SPG11: variants seen among roughly 807,000 people sequenced by gnomAD.
SPG11 encodes the protein spatacsin.
In SPG11, 222 loss-of-function variants were observed where a neutral mutation model predicts 274.0. That is an observed-to-expected ratio of 0.81 (90% CI 0.73 to 0.91). SPG11 has a LOEUF of 0.91. SPG11 is among the 40% of genes least tolerant of loss of function. The pLI, the probability that SPG11 is intolerant of heterozygous loss-of-function variation, is 0.00. For missense variants in SPG11, 3,114 were observed against 2,872.7 expected (o/e 1.08, Z -1.92); for synonymous variants, 1,144 against 1,039.7 (o/e 1.10, Z -1.93).
intron 6 of SPG11, among the ~76,000 whole-genome samples, chr15:44,650,479 C>T (rs769460068): frequency 5.9e-5 from 9 of 152,008 alleles, no homozygotes; most frequent in African/African-American, 2.2e-4. Flanking sequence ...CAGAGCGAGA[C>T]GTCGTCTCTA....
intron 18 of SPG11, 78 bp from the exon 19 acceptor site, chr15:44,608,683 G>A (rs2083384971): frequency 7.2e-7 from 1 of 1,390,068 alleles, no homozygotes; most frequent in Non-Finnish European, 1.0e-6. Context: ...CAAGAACCTT[G>A]TGAAACAAGA....
In SPG11 at chr15:44,573,638, G is replaced by A. The variant is rs761710885; in HGVS notation, c.6114C>T (p.Phe2038=). Residue 2038 remains phenylalanine, a synonymous_variant, in exon 32 of 40, where the codon TTC becomes TTT. Transcript: ENST00000261866. ...QPDRCKRAQA[F]ISTQGLKPDT... is the part of the protein sequence containing the mutation. Reference sequence around the variant, plus strand: ...CTGGCTTAAGGCCCTGTGTGCTGATGAAGGCCTGGGCTCGTTTGCATCGGT... The same window carrying A: ...CTGGCTTAAGGCCCTGTGTGCTGATAAAGGCCTGGGCTCGTTTGCATCGGT... 8 of 1,614,206 alleles carry A rather than the reference G, an allele frequency of 5.0e-6. No individual in the cohort carries two copies. The East Asian group carries it at 1.6e-4, about 31-fold the overall frequency.
chr15:44,597,075 A>G, intron 23 of SPG11, 132 bp from the exon 24 acceptor site: 1 of 818,700 alleles, frequency 1.2e-6, no homozygotes, highest in South Asian at 1.7e-5. Flanking sequence ...AACAAATACT[A>G]AATATTTATT....
In SPG11 at chr15:44,589,308, T is replaced by C. The variant is rs78388816; in HGVS notation, c.4850A>G (p.Tyr1617Cys). The C allele has an allele frequency of 6.2e-7, 1 of 1,614,112 alleles. No homozygotes were observed. Among genetic ancestry groups the C allele is most frequent in the Non-Finnish European group, 8.5e-7 (1 of 1,179,958 alleles). ...KLMLQQCKTQ[Y>C]ELGKLLQLFV... ...GAGCTGTAAAAGCTTCCCCAGCTCATACTGGGTCTTACACTGCTGTAGCAT... is the reference window on the plus strand; with the variant it reads ...GAGCTGTAAAAGCTTCCCCAGCTCACACTGGGTCTTACACTGCTGTAGCAT... The change falls in exon 28 of 40, where the codon TAT (tyrosine) becomes TGT (cysteine). Residue 1617 changes from tyrosine to cysteine, a missense_variant. Coordinates refer to ENST00000261866, the MANE Select transcript of SPG11 (RefSeq NM_025137.4).
At chr15:44,582,734 T>C (rs1230412435) in intron 30 of SPG11, among the ~76,000 whole-genome samples, 1 of 151,816 alleles carries the variant, frequency 6.6e-6, no homozygotes, top group East Asian at 1.9e-4. Flanking sequence ...AATCAACTAA[T>C]GTAATCTACT....
At chr15:44,636,927 A>AAAAAAAACAAAC in intron 7 of SPG11, among the ~76,000 whole-genome samples, 1 of 113,586 alleles carries the variant, frequency 8.8e-6, no homozygotes, top group Non-Finnish European at 1.9e-5. Context: ...CTCCATCTCA[A>AAAAAAAACAAAC]AAAAAAAAAA....
chr15:44,578,190 AT>A (rs564990735), intron 30 of SPG11, among the ~76,000 whole-genome samples: 5,063 of 127,784 alleles, frequency 0.04, 170 homozygotes, highest in East Asian at 0.097. Flanking sequence ...ACGCGTGGCT[AT>A]TTTTTTTTTT....
intron 15 of SPG11, 81 bp downstream of exon 15, chr15:44,620,109 A>C: frequency 8.9e-7 from 1 of 1,119,154 alleles, no homozygotes; most frequent in Non-Finnish European, 1.4e-6. Flanking sequence ...ATGGCATTTC[A>C]AAGGAAAAGC....
At chr15:44,572,577 G>A in intron 33 of SPG11, 106 bp downstream of exon 33, 2 of 1,131,182 alleles carry the variant, frequency 1.8e-6, no homozygotes, top group Non-Finnish European at 1.3e-6. Flanking sequence ...GGAGGGCTAG[G>A]CATCCAGAGC....
chr15:44,626,774 G>A (rs557109899), intron 10 of SPG11, among the ~76,000 whole-genome samples: 2 of 152,266 alleles, frequency 1.3e-5, no homozygotes, highest in Admixed American at 1.3e-4. Flanking sequence ...GGAAGGTCTA[G>A]AAGAGAAACA....
chr15:44,621,907 GA>G lies in SPG11; in HGVS notation c.2471del (p.Phe824SerfsTer11), dbSNP rs764805516. 1.2e-6 allele frequency: 2 copies of G among 1,612,026 alleles called. No homozygotes were observed. The highest frequency in any genetic ancestry group is 1.7e-6 in the Non-Finnish European group (2 of 1,179,388). ...PRYWIKEQDFFKHKSVLDSFL... is the reference protein window; with the variant it reads ...PRYWIKEQDFXKHKSVLDSFL... ...ATGAGTCCAAAACAGACTTGTGCTT[GA>G]AAAAATCTTGTTCCTTTATCCAGTA... On this transcript the variant is annotated frameshift_variant, in exon 14 of 40. Transcript: ENST00000261866. LOFTEE classifies it high-confidence loss of function.
At chr15:44,659,942 T>C (rs2085056230) in intron 2 of SPG11, among the ~76,000 whole-genome samples, 1 of 152,040 alleles carries the variant, frequency 6.6e-6, no homozygotes, top group Admixed American at 6.6e-5. Context: ...GCGCCTGTAG[T>C]CTAAGCTACT....
chr15:44,592,529 A>G, intron 26 of SPG11, 91 bp from the exon 27 acceptor site: 1 of 826,580 alleles, frequency 1.2e-6, no homozygotes, highest in Non-Finnish European at 2.1e-6. Context: ...TAAAAATGCT[A>G]TTAATAAGGC....
chr15:44,649,697 G>C (rs948820440), intron 6 of SPG11, among the ~76,000 whole-genome samples: 1 of 152,074 alleles, frequency 6.6e-6, no homozygotes, highest in Non-Finnish European at 1.5e-5. Context: ...TTTGGGACCA[G>C]CCTGGCCAAC....
intron 20 of SPG11, among the ~76,000 whole-genome samples, chr15:44,602,206 CTTTTT>C (rs1039842858): frequency 6.7e-6 from 1 of 149,106 alleles, no homozygotes; most frequent in Non-Finnish European, 1.5e-5. Context: ...GGATGCCTTT[CTTTTT>C]TTTTGCTTAA....
intron 1 of SPG11, 51 bp downstream of exon 1, chr15:44,663,340 G>A (rs372382299): frequency 5.3e-5 from 84 of 1,578,782 alleles, no homozygotes; most frequent in Non-Finnish European, 7.1e-5. Flanking sequence ...TCAGTCAGCC[G>A]AGCCTAGGCT....
At chr15:44,592,038 G>A (rs1386545430) in intron 27 of SPG11, among the ~76,000 whole-genome samples, 1 of 151,632 alleles carries the variant, frequency 6.6e-6, no homozygotes, top group African/African-American at 2.4e-5. Context: ...TTGAACCTGG[G>A]AGGTGGAGGT....
At chr15:44,649,480 A>C (rs1051972567) in intron 6 of SPG11, among the ~76,000 whole-genome samples, 1 of 152,162 alleles carries the variant, frequency 6.6e-6, no homozygotes, top group Non-Finnish European at 1.5e-5. Flanking sequence ...TGATCCTCCC[A>C]CCTTGGCCTC....
At chr15:44,589,842 G>GT (rs2082859088) in intron 27 of SPG11, among the ~76,000 whole-genome samples, 1 of 152,212 alleles carries the variant, frequency 6.6e-6, no homozygotes, top group Non-Finnish European at 1.5e-5. Context: ...GTCTCACTCT[G>GT]TTGCCTAGGC....
Sources: gnomAD v4.1 joint callset for allele counts (sites outside exome capture counted in the v4.1 genomes callset) on GRCh38, gnomAD v4.1.1 for gene constraint, MANE v1.5 for transcripts, NCBI Gene and HGNC (gene_info 2026-07-23, HGNC 2026-07-21) for gene names.